The following DOCK3 variants were observed in gnomAD, a reference collection of about 807,000 sequenced individuals.
The protein encoded by DOCK3 is dedicator of cytokinesis 3, also known as dedicator of cytokinesis protein 3.
In DOCK3, 60 loss-of-function variants were observed where a neutral mutation model predicts 265.6. That is an observed-to-expected ratio of 0.23 (90% confidence interval 0.18 to 0.28). The LOEUF (loss-of-function observed/expected upper bound fraction) is 0.28, where lower values mean the gene tolerates loss of function less well. Ranked by LOEUF, DOCK3 falls within the 10% of genes least tolerant of loss-of-function variation. The pLI is 1.00. For missense variants in DOCK3, 1,981 were observed against 2,594.3 expected (o/e 0.76, Z 5.14); for synonymous variants, 881 against 938.0 (o/e 0.94, Z 1.11).
At chr3:51,275,051 T>G (rs1053460047) in intron 24 of DOCK3, 28 bp from the exon 25 acceptor site, 5 of 1,613,722 alleles carry the variant, frequency 3.1e-6, no homozygotes, top group Middle Eastern at 1.6e-4. Context: ...CTCTAAAGTT[T>G]TCTTCACCTT....
intron 1 of DOCK3, among the ~76,000 whole-genome samples, chr3:50,724,604 C>T (rs1037952268): frequency 1.3e-5 from 2 of 151,818 alleles, no homozygotes; most frequent in Admixed American, 6.6e-5. Flanking sequence ...GACCACCAAA[C>T]ACTGCATGTT....
At chr3:50,757,927 G>A (rs1217345214) in intron 1 of DOCK3, among the ~76,000 whole-genome samples, 1 of 151,990 alleles carries the variant, frequency 6.6e-6, no homozygotes, top group Non-Finnish European at 1.5e-5. Flanking sequence ...TGTAATCCCA[G>A]CACTTTGGGA....
intron 12 of DOCK3, among the ~76,000 whole-genome samples, chr3:51,188,881 G>A (rs1326807253): frequency 6.6e-6 from 1 of 152,010 alleles, no homozygotes; most frequent in East Asian, 1.9e-4. Context: ...CTTTGCTATT[G>A]TGAATAGTGC....
intron 13 of DOCK3, 124 bp downstream of exon 13, chr3:51,208,986 G>A: frequency 2.6e-6 from 2 of 782,668 alleles, no homozygotes; most frequent in Non-Finnish European, 4.0e-6. Context: ...TCCTGCCGAG[G>A]CATTTCCTAC....
chr3:50,867,279 G>A (rs2047188292), intron 3 of DOCK3, among the ~76,000 whole-genome samples: 1 of 152,078 alleles, frequency 6.6e-6, no homozygotes, highest in African/African-American at 2.4e-5. Flanking sequence ...TCATTTTGTT[G>A]TCTGTGACTT....
chr3:51,261,347 G>A (rs1459276270), intron 23 of DOCK3, among the ~76,000 whole-genome samples: 2 of 152,124 alleles, frequency 1.3e-5, no homozygotes, highest in African/African-American at 4.8e-5. Context: ...AGGGAAGCTG[G>A]GAGAGACTGC....
At chr3:51,356,307 C>A in intron 42 of DOCK3, 52 bp downstream of exon 42, 1 of 1,612,172 alleles carries the variant, frequency 6.2e-7, no homozygotes, top group Non-Finnish European at 8.5e-7. Flanking sequence ...CAGGGGCAAG[C>A]TCAACTTCCT....
Position 50,759,403 on chromosome 3 carries a change from A to G in DOCK3, c.38-19272A>G, listed in dbSNP as rs141245887. ...TTATTTTTTCGTAATAGCCATCCAA[A>G]TGGGTATGAAGTGGCATCTCATTGT... On this transcript the variant is annotated intron_variant, in intron 1 of 52. Transcript: ENST00000266037. Among the ~76,000 whole-genome samples, 803 of 152,176 alleles carry G rather than the reference A, an allele frequency of 5.3e-3. 16 individuals carry two copies. The East Asian group carries it at 0.059, about 11-fold the overall frequency.
intron 26 of DOCK3, 41 bp from the exon 27 acceptor site, chr3:51,280,065 G>A (rs2081029628): frequency 6.4e-7 from 1 of 1,556,854 alleles, no homozygotes; most frequent in African/African-American, 1.4e-5. Context: ...CACAGCCCTT[G>A]CAATTGGCCA....
intron 12 of DOCK3, among the ~76,000 whole-genome samples, chr3:51,177,910 G>C (rs2087047080): frequency 6.6e-6 from 1 of 151,482 alleles, no homozygotes; most frequent in African/African-American, 2.4e-5. Context: ...ATAATCACTT[G>C]AACCTGGGAG....
intron 9 of DOCK3, among the ~76,000 whole-genome samples, chr3:51,109,524 T>A (rs1020386141): frequency 2.0e-5 from 3 of 151,922 alleles, no homozygotes; most frequent in Non-Finnish European, 4.4e-5. Context: ...AAATCAGATC[T>A]GAAGTGAAGA....
chr3:50,731,131 CAAAA>C (rs58878539), intron 1 of DOCK3, among the ~76,000 whole-genome samples: 1 of 99,578 alleles, frequency 1.0e-5, no homozygotes, highest in Non-Finnish European at 2.3e-5. Context: ...GACTCTGTCT[CAAAA>C]AAAAAAAAAA....
chr3:50,718,208 A>G (rs933568863), intron 1 of DOCK3, among the ~76,000 whole-genome samples: 2 of 152,120 alleles, frequency 1.3e-5, no homozygotes, highest in African/African-American at 2.4e-5. Flanking sequence ...TCAGCTATCA[A>G]ATTTATTCAG....
chr3:50,698,852 G>T (rs1471788843), intron 1 of DOCK3, among the ~76,000 whole-genome samples: 1 of 151,910 alleles, frequency 6.6e-6, no homozygotes, highest in African/African-American at 2.4e-5. Context: ...AATTGGGTCT[G>T]TTCTTTTGTT....
intron 2 of DOCK3, among the ~76,000 whole-genome samples, chr3:50,801,249 A>G (rs2043050689): frequency 6.6e-6 from 1 of 152,010 alleles, no homozygotes; most frequent in African/African-American, 2.4e-5. Context: ...TATTCCTCCT[A>G]TTAGCTAGGG....
chr3:50,714,250 C>T (rs2036957275), intron 1 of DOCK3, among the ~76,000 whole-genome samples: 3 of 152,178 alleles, frequency 2.0e-5, no homozygotes, highest in Non-Finnish European at 4.4e-5. Flanking sequence ...TGTCTTGGCA[C>T]TCCCTTTCTT....
intron 5 of DOCK3, among the ~76,000 whole-genome samples, chr3:50,970,978 A>T (rs866791062): frequency 0.046 from 848 of 18,504 alleles, 35 homozygotes; most frequent in African/African-American, 0.086. Context: ...ATATATATAT[A>T]TTTTTTTTAT....
intron 7 of DOCK3, among the ~76,000 whole-genome samples, chr3:51,082,048 G>T (rs2082262317): frequency 6.6e-6 from 1 of 151,966 alleles, no homozygotes; most frequent in African/African-American, 2.4e-5. Flanking sequence ...GTTCATCAGG[G>T]AAGTGACAAG....
chr3:50,864,747 G>A (rs763156170), intron 3 of DOCK3, among the ~76,000 whole-genome samples: 9 of 151,924 alleles, frequency 5.9e-5, no homozygotes, highest in Non-Finnish European at 8.8e-5. Flanking sequence ...AAATGAATTG[G>A]CTGTTAAGTG....
Sources: allele counts gnomAD v4.1 joint callset (sites outside exome capture counted in the v4.1 genomes callset), GRCh38; gene constraint gnomAD v4.1.1; transcripts MANE v1.5; gene names NCBI Gene and HGNC (gene_info 2026-07-23, HGNC 2026-07-21).